Variants in AGBL4 observed in about 807,000 individuals in gnomAD.
AGBL4 encodes cytosolic carboxypeptidase 6.
A neutral mutation model predicts 66.4 loss-of-function variants in AGBL4; 58 were observed. The ratio of observed to expected loss-of-function variants is 0.87; its 90% CI spans 0.71 to 1.09. The LOEUF (loss-of-function observed/expected upper bound fraction) is 1.09. Among genes scored for constraint, AGBL4 ranks in the 50% least tolerant of loss-of-function variants. The pLI is 0.00. For missense variants in AGBL4, 579 were observed against 631.0 expected (o/e 0.92, Z 0.88); for synonymous variants, 234 against 222.9 (o/e 1.05, Z -0.44).
At chr1:49,537,976 G>A (rs541856526) in intron 3 of AGBL4, among the ~76,000 whole-genome samples, 6 of 150,520 alleles carry the variant, frequency 4.0e-5, no homozygotes, top group Admixed American at 1.3e-4. Flanking sequence ...GGAGAAAAGA[G>A]AACCTTTATC....
At chr1:49,841,900 C>A in intron 2 of AGBL4, 1 of 629,888 alleles carries the variant, frequency 1.6e-6, no homozygotes, top group Non-Finnish European at 2.9e-6. Flanking sequence ...GACCCCTGGG[C>A]TGCCTGTCTC....
At chr1:49,858,806 A>C (rs1489435634) in intron 1 of AGBL4, among the ~76,000 whole-genome samples, 1 of 152,192 alleles carries the variant, frequency 6.6e-6, no homozygotes, top group African/African-American at 2.4e-5. Flanking sequence ...ACCTGAAGTC[A>C]GGAGTTCAAG....
chr1:48,603,517 G>A (rs1645107052), intron 9 of AGBL4, among the ~76,000 whole-genome samples: 2 of 151,970 alleles, frequency 1.3e-5, no homozygotes, highest in East Asian at 3.9e-4. Context: ...GCAGGGGAGG[G>A]GACACAGAGG....
intron 6 of AGBL4, among the ~76,000 whole-genome samples, chr1:48,865,890 G>A (rs899460145): frequency 6.6e-6 from 1 of 152,136 alleles, no homozygotes; most frequent in African/African-American, 2.4e-5. Context: ...AGGAGGAATT[G>A]GTAGGTCATA....
intron 7 of AGBL4, among the ~76,000 whole-genome samples, chr1:48,661,161 C>T (rs1428412817): frequency 6.6e-6 from 1 of 152,152 alleles, no homozygotes; most frequent in Non-Finnish European, 1.5e-5. Context: ...TAAATCAGGG[C>T]AATAGAGATG....
At chr1:49,167,755 T>C (rs1343989397) in intron 4 of AGBL4, among the ~76,000 whole-genome samples, 1 of 152,234 alleles carries the variant, frequency 6.6e-6, no homozygotes, top group Admixed American at 6.5e-5. Flanking sequence ...GAATGTTGCG[T>C]ACACCGAATT....
intron 3 of AGBL4, among the ~76,000 whole-genome samples, chr1:49,390,758 T>C (rs1398605055): frequency 1.3e-5 from 2 of 152,320 alleles, no homozygotes; most frequent in South Asian, 4.1e-4. Context: ...ATCCATTTGG[T>C]GTTTTGGCCC....
chr1:48,841,879 G>T (rs1195754376), intron 6 of AGBL4, among the ~76,000 whole-genome samples: 1 of 152,060 alleles, frequency 6.6e-6, no homozygotes, highest in Non-Finnish European at 1.5e-5. Flanking sequence ...ACAAATAAAT[G>T]TGAAATGCAT....
intron 3 of AGBL4, among the ~76,000 whole-genome samples, chr1:49,384,038 G>T (rs192805675): frequency 6.6e-6 from 1 of 151,536 alleles, no homozygotes; most frequent in Non-Finnish European, 1.5e-5. Flanking sequence ...CTTGTGATCC[G>T]CCCACCTCGG....
At position 48,634,407 on chromosome 1, in the gene AGBL4, C is replaced by T. The variant is rs1032143248; in HGVS notation, c.951+86G>A. On this transcript the variant is annotated intron_variant, in intron 9 of 13. Coordinates refer to ENST00000371839, the MANE Select transcript of AGBL4 (RefSeq NM_032785.4). ...TTAGCTATGTATTCCTAATTTGCAG[C>T]TTCTAGTGGACTTTCCCAATACAAT... 4 of 1,133,750 alleles carry T rather than the reference C, an allele frequency of 3.5e-6. No homozygotes were observed. The East Asian group carries it at 1.1e-4, about 31-fold the overall frequency. 70.2% of individuals were successfully genotyped at this position (1,133,750 alleles called of 1,614,324 possible).
At chr1:49,276,374 A>C (rs924567815) in intron 3 of AGBL4, among the ~76,000 whole-genome samples, 1 of 152,202 alleles carries the variant, frequency 6.6e-6, no homozygotes, top group Non-Finnish European at 1.5e-5. Context: ...TTAAACTGTG[A>C]AACTTTTCAA....
chr1:49,709,237 C>G (rs1419455886), intron 2 of AGBL4, among the ~76,000 whole-genome samples: 1 of 152,210 alleles, frequency 6.6e-6, no homozygotes, highest in African/African-American at 2.4e-5. Context: ...TGCTGCCTTT[C>G]TTTCAGAGAT....
At chr1:48,526,765 A>G in the AGBL4 span, among the ~76,000 whole-genome samples, 1 of 151,800 alleles carries the variant, frequency 6.6e-6, no homozygotes, top group African/African-American at 2.4e-5. Flanking sequence ...CAGCAGAAGT[A>G]GTAGTTATAA....
intron 3 of AGBL4, among the ~76,000 whole-genome samples, chr1:49,682,595 T>C (rs1036634533): frequency 4.6e-5 from 7 of 152,188 alleles, no homozygotes; most frequent in Admixed American, 3.9e-4. Context: ...AATCTATTCA[T>C]TTATCTGTCA....
chr1:49,574,847 G>A (rs557871693), intron 3 of AGBL4, among the ~76,000 whole-genome samples: 2 of 151,836 alleles, frequency 1.3e-5, no homozygotes, highest in African/African-American at 2.4e-5. Context: ...TTGATAGGAC[G>A]CCTACTGCAT....
intron 3 of AGBL4, among the ~76,000 whole-genome samples, chr1:49,283,957 C>G (rs1386034644): frequency 2.4e-4 from 35 of 144,374 alleles, no homozygotes; most frequent in South Asian, 2.3e-4. Context: ...AGGATATTAT[C>G]CAGGAGAACT....
At chr1:49,596,854 T>A (rs1644862529) in intron 3 of AGBL4, among the ~76,000 whole-genome samples, 1 of 152,204 alleles carries the variant, frequency 6.6e-6, no homozygotes, top group African/African-American at 2.4e-5. Flanking sequence ...ATGCTTATTG[T>A]GACTCTCTCA....
intron 9 of AGBL4, among the ~76,000 whole-genome samples, chr1:48,619,727 T>A (rs1424704700): frequency 6.6e-6 from 1 of 152,152 alleles, no homozygotes; most frequent in African/African-American, 2.4e-5. Context: ...GACTGCTGAG[T>A]CTGCATAGGT....
At chr1:49,373,504 C>T (rs1172061614) in intron 3 of AGBL4, among the ~76,000 whole-genome samples, 1 of 151,952 alleles carries the variant, frequency 6.6e-6, no homozygotes, top group Admixed American at 6.6e-5. Context: ...CTGAGAAAAA[C>T]AGGAACATTT....
Sources: allele counts gnomAD v4.1 joint callset (sites outside exome capture counted in the v4.1 genomes callset), GRCh38; gene constraint gnomAD v4.1.1; transcripts MANE v1.5; gene names NCBI Gene and HGNC (gene_info 2026-07-23, HGNC 2026-07-21).